Variants in NEGR1 observed in about 807,000 individuals in gnomAD.
NEGR1 encodes the protein IgLON family member 4.
NEGR1 carries 10 observed loss-of-function variants against 40.9 expected under a neutral mutation model. The ratio of observed to expected loss-of-function variants is 0.24; its 90% confidence interval spans 0.15 to 0.42. NEGR1 has a LOEUF of 0.42. Among genes scored for constraint, NEGR1 ranks in the 10% least tolerant of loss-of-function variants. NEGR1 has a pLI of 1.00. For missense variants in NEGR1, 352 were observed against 438.9 expected (o/e 0.80, Z 1.77); for synonymous variants, 185 against 166.8 (o/e 1.11, Z -0.84).
At chr1:72,162,698 A>C (rs1166361985) in intron 1 of NEGR1, among the ~76,000 whole-genome samples, 2 of 152,026 alleles carry the variant, frequency 1.3e-5, no homozygotes, top group Non-Finnish European at 2.9e-5. Flanking sequence ...AAGCCCCCAA[A>C]CCTCCAGAAA....
chr1:71,970,134 A>G (rs1646243281), intron 1 of NEGR1, among the ~76,000 whole-genome samples: 1 of 152,148 alleles, frequency 6.6e-6, no homozygotes, highest in Non-Finnish European at 1.5e-5. Context: ...TGAGACCAGA[A>G]GAACAGGCAG....
intron 3 of NEGR1, among the ~76,000 whole-genome samples, chr1:71,700,971 G>A (rs1653671980): frequency 6.6e-6 from 1 of 151,900 alleles, no homozygotes; most frequent in African/African-American, 2.4e-5. Context: ...AGTAGAGCAT[G>A]AGCCAAGAAA....
chr1:72,168,122 T>G (rs1022323924), intron 1 of NEGR1, among the ~76,000 whole-genome samples: 3 of 151,904 alleles, frequency 2.0e-5, no homozygotes, highest in Non-Finnish European at 4.4e-5. Context: ...CAAGTGATTC[T>G]CCTGTCTCAG....
At chr1:72,167,254 G>T (rs1651802093) in intron 1 of NEGR1, among the ~76,000 whole-genome samples, 1 of 151,998 alleles carries the variant, frequency 6.6e-6, no homozygotes, top group Non-Finnish European at 1.5e-5. Context: ...CTTTGTCCAT[G>T]ATTTCCTTAA....
chr1:72,090,608 G>C (rs1340367701), intron 1 of NEGR1, among the ~76,000 whole-genome samples: 1 of 151,884 alleles, frequency 6.6e-6, no homozygotes, highest in Non-Finnish European at 1.5e-5. Context: ...TCATCTACCT[G>C]ATAATTTGGA....
At chr1:71,604,781 ATAAC>A (rs554853264) in intron 5 of NEGR1, among the ~76,000 whole-genome samples, 1,615 of 152,260 alleles carry the variant, frequency 0.011, 12 homozygotes, top group Non-Finnish European at 0.017. Flanking sequence ...ATGCACCTAG[ATAAC>A]TAACCCTTCT....
chr1:71,955,049 A>C (rs1646108163), intron 1 of NEGR1, among the ~76,000 whole-genome samples: 1 of 152,124 alleles, frequency 6.6e-6, no homozygotes, highest in African/African-American at 2.4e-5. Flanking sequence ...TAGATTTCGG[A>C]TTTAACCTCA....
chr1:72,019,267 G>C (rs945987766), intron 1 of NEGR1, among the ~76,000 whole-genome samples: 5 of 152,128 alleles, frequency 3.3e-5, no homozygotes, highest in Admixed American at 6.5e-5. Flanking sequence ...AGTCTATTCA[G>C]AGTTCTGTTT....
intron 1 of NEGR1, among the ~76,000 whole-genome samples, chr1:72,164,723 T>C (rs1007936129): frequency 2.6e-5 from 4 of 152,018 alleles, no homozygotes; most frequent in African/African-American, 9.7e-5. Flanking sequence ...TGTCTTCACT[T>C]TTTTTTCTTG....
At chr1:71,614,999 A>C (rs1415198027) in intron 4 of NEGR1, among the ~76,000 whole-genome samples, 1 of 152,184 alleles carries the variant, frequency 6.6e-6, no homozygotes, top group Admixed American at 6.5e-5. Flanking sequence ...ATGCATAAGA[A>C]AAAGTCCTAA....
At chr1:71,689,448 C>T (rs1446407793) in intron 4 of NEGR1, among the ~76,000 whole-genome samples, 1 of 152,108 alleles carries the variant, frequency 6.6e-6, no homozygotes, top group African/African-American at 2.4e-5. Flanking sequence ...AGTTAAGTGA[C>T]TGAATTAAAA....
intron 1 of NEGR1, among the ~76,000 whole-genome samples, chr1:72,093,375 A>C (rs1373825231): frequency 6.6e-6 from 1 of 152,014 alleles, no homozygotes; most frequent in Non-Finnish European, 1.5e-5. Context: ...ACAGCAAAAA[A>C]ATTTTAGTTA....
At chr1:71,527,151 C>T (rs1044281234) in intron 6 of NEGR1, among the ~76,000 whole-genome samples, 1 of 151,398 alleles carries the variant, frequency 6.6e-6, no homozygotes, top group South Asian at 2.1e-4. Context: ...TTTTCATGTC[C>T]CTCTCATTCA....
At chr1:72,204,154 A>C (rs762482562) in intron 1 of NEGR1, among the ~76,000 whole-genome samples, 3 of 152,080 alleles carry the variant, frequency 2.0e-5, no homozygotes, top group Non-Finnish European at 4.4e-5. Flanking sequence ...AATTGCATCA[A>C]ACAAAGTTAC....
intron 6 of NEGR1, among the ~76,000 whole-genome samples, chr1:71,412,438 T>G (rs2101264392): frequency 6.6e-6 from 1 of 152,316 alleles, no homozygotes; most frequent in African/African-American, 2.4e-5. Flanking sequence ...TCTTCTTAAC[T>G]TATAATTAGT....
intron 2 of NEGR1, among the ~76,000 whole-genome samples, chr1:71,814,918 T>C (rs1056674757): frequency 6.6e-6 from 1 of 152,164 alleles, no homozygotes; most frequent in Non-Finnish European, 1.5e-5. Flanking sequence ...AGTTCCACTC[T>C]GATCTTGGTT....
At chr1:71,804,735 G>T (rs528305983) in intron 2 of NEGR1, among the ~76,000 whole-genome samples, 1 of 152,090 alleles carries the variant, frequency 6.6e-6, no homozygotes, top group Non-Finnish European at 1.5e-5. Context: ...GTTGCCTCAG[G>T]ACCCTGTGAT....
At chr1:71,501,223 A>T (rs1646996929) in intron 6 of NEGR1, among the ~76,000 whole-genome samples, 1 of 152,156 alleles carries the variant, frequency 6.6e-6, no homozygotes, top group Admixed American at 6.6e-5. Flanking sequence ...ATAAAGACAT[A>T]GCTTTTTAAT....
At chr1:71,717,289 T>G (rs1477784557) in intron 3 of NEGR1, among the ~76,000 whole-genome samples, 3 of 152,278 alleles carry the variant, frequency 2.0e-5, no homozygotes, top group African/African-American at 7.2e-5. Context: ...CAGAAAATAC[T>G]GTTTACATGT....
Sources: gnomAD v4.1 joint callset for allele counts (sites outside exome capture counted in the v4.1 genomes callset) on GRCh38, gnomAD v4.1.1 for gene constraint, MANE v1.5 for transcripts, NCBI Gene and HGNC (gene_info 2026-07-23, HGNC 2026-07-21) for gene names.